Variants in DYM observed in about 807,000 individuals in gnomAD.
DYM encodes dymeclin, also known as dyggve-Melchior-Clausen syndrome protein.
DYM carries 78 observed loss-of-function variants against 93.1 expected under a neutral mutation model. The ratio of observed to expected loss-of-function variants is 0.84; its 90% confidence interval spans 0.70 to 1.01. DYM has a LOEUF of 1.01. Ranked by LOEUF, DYM falls within the 50% of genes least tolerant of loss-of-function variation. The pLI is 0.00. For missense variants in DYM, 789 were observed against 845.0 expected (o/e 0.93, Z 0.82); for synonymous variants, 321 against 319.7 (o/e 1.00, Z -0.04).
At chr18:49,183,761 A>G (rs183425249) in intron 14 of DYM, among the ~76,000 whole-genome samples, 3 of 152,140 alleles carry the variant, frequency 2.0e-5, no homozygotes, top group Admixed American at 1.3e-4. Context: ...GTCTCCCCCA[A>G]ATTTCCTATG....
intron 14 of DYM, among the ~76,000 whole-genome samples, chr18:49,193,061 C>G (rs2091127989): frequency 6.6e-6 from 1 of 152,088 alleles, no homozygotes; most frequent in South Asian, 2.1e-4. Context: ...GTTCTCGTCA[C>G]AAAAAATGTT....
At chr18:49,185,459 AATG>A (rs1362709636) in intron 14 of DYM, among the ~76,000 whole-genome samples, 1 of 152,248 alleles carries the variant, frequency 6.6e-6, no homozygotes, top group East Asian at 1.9e-4. Flanking sequence ...TAGAAGTTGT[AATG>A]TGAGCTTCAT....
intron 14 of DYM, among the ~76,000 whole-genome samples, chr18:49,194,430 T>C (rs2091253805): frequency 1.3e-5 from 2 of 152,194 alleles, no homozygotes; most frequent in Admixed American, 1.3e-4. Context: ...GAAAAAAGGA[T>C]CTACTACCAT....
rs1250715221 is a variant in DYM at position 49,040,321 on chromosome 18, T to C, written c.*3734A>G. 6.6e-6 allele frequency among the ~76,000 whole-genome samples: 1 copy of C among 152,216 alleles called. No homozygotes were observed. Among genetic ancestry groups the C allele is most frequent in the African/African-American group, 2.4e-5 (1 of 41,456 alleles). On this transcript the variant is annotated 3_prime_UTR_variant, in exon 18 of 18. Transcript: ENST00000675505. Reference sequence around the variant, plus strand: ...TGAGTAGCTGACATTTAGACAGCCTTGTGAAGTTAGATTAGGGGTTGAGTA... The same window carrying C: ...TGAGTAGCTGACATTTAGACAGCCTCGTGAAGTTAGATTAGGGGTTGAGTA...
At chr18:49,359,137 T>C (rs951312274) in intron 6 of DYM, among the ~76,000 whole-genome samples, 1 of 152,144 alleles carries the variant, frequency 6.6e-6, no homozygotes, top group Non-Finnish European at 1.5e-5. Flanking sequence ...GAACACTCCA[T>C]ATTAGTGTCT....
At chr18:49,100,364 C>A (rs979520723) in intron 16 of DYM, among the ~76,000 whole-genome samples, 2 of 151,986 alleles carry the variant, frequency 1.3e-5, no homozygotes, top group African/African-American at 4.8e-5. Flanking sequence ...ACACGACAAA[C>A]CAACAAAAGG....
intron 10 of DYM, among the ~76,000 whole-genome samples, chr18:49,273,546 T>A (rs1269655213): frequency 6.6e-6 from 1 of 152,132 alleles, no homozygotes; most frequent in Non-Finnish European, 1.5e-5. Flanking sequence ...GATTACAACA[T>A]CATATTTTTA....
Position 49,361,422 on chromosome 18 carries a change from A to G in DYM, c.494+1739T>C, listed in dbSNP as rs143047844. Among the ~76,000 whole-genome samples the G allele has an allele frequency of 5.0e-4, 76 of 152,338 alleles. 1 individual carries two copies. In the East Asian group the frequency reaches 0.014, roughly 27 times the overall value. On this transcript the variant is annotated intron_variant, in intron 6 of 17. Transcript: ENST00000675505. Reference sequence around the variant, plus strand: ...GCCATAGACAAATAGCACATTTCCAATTATATCTCCATGTAGACTGAGATT... The same window carrying G: ...GCCATAGACAAATAGCACATTTCCAGTTATATCTCCATGTAGACTGAGATT...
intron 11 of DYM, among the ~76,000 whole-genome samples, chr18:49,259,057 G>A (rs1265855511): frequency 6.6e-6 from 1 of 151,794 alleles, no homozygotes; most frequent in Non-Finnish European, 1.5e-5. Flanking sequence ...GGTTACTCCT[G>A]CAACCTTTCT....
In DYM at chr18:49,137,299, C is replaced by T. The variant is rs536521153; in HGVS notation, c.1729-18373G>A. 2.0e-5 allele frequency among the ~76,000 whole-genome samples: 3 copies of T among 152,316 alleles called. No individual in the cohort carries two copies. The South Asian group carries it at 6.2e-4, about 32-fold the overall frequency. On this transcript the variant is annotated intron_variant, in intron 15 of 17. Coordinates refer to ENST00000675505, the MANE Select transcript of DYM (RefSeq NM_001353214.3). ...AGTAGTAACAGAACACTTTCTCAGT[C>T]CTGTCCTGGTGACATGGAAAGAATA...
At chr18:49,423,700 A>G (rs1223447876) in intron 2 of DYM, among the ~76,000 whole-genome samples, 19 of 152,230 alleles carry the variant, frequency 1.2e-4, no homozygotes, top group Non-Finnish European at 1.5e-4. Context: ...CGCAATAAAA[A>G]ATGATAAAGG....
rs1568181254 is a variant in DYM at position 49,289,761 on chromosome 18, A to ATATACG, written c.764-3146_764-3145insCGTATA. Among the ~76,000 whole-genome samples, 239 of 57,390 alleles carry ATATACG rather than the reference A, an allele frequency of 4.2e-3. 2 individuals are homozygous for ATATACG. Among genetic ancestry groups the ATATACG allele is most frequent in the African/African-American group, 0.017 (225 of 13,206 alleles). The allele number at this position is 57,390 out of a possible 152,430, so 37.7% of individuals were successfully genotyped here. On this transcript the variant is annotated intron_variant, in intron 8 of 17. Transcript: ENST00000675505. ...TATATATATATATATATATATATAT[A>ATATACG]TATATATATATACACATATATATAT... is the stretch of plus-strand genomic sequence containing the variant.
In DYM at chr18:49,151,995, T is replaced by C. The variant is rs949149030; in HGVS notation, c.1728+11690A>G. ...AGAATGGAAAGAGGGGGAAAGAAAC[T>C]GTGATCACTGGTTTTTAGAAATCTA... On this transcript the variant is annotated intron_variant, in intron 15 of 17. Coordinates refer to ENST00000675505, the MANE Select transcript of DYM (RefSeq NM_001353214.3). Among the ~76,000 whole-genome samples, 2 of 152,326 alleles carry C rather than the reference T, an allele frequency of 1.3e-5. 1 individual carries two copies. Among genetic ancestry groups the C allele is most frequent in the Admixed American group, 1.3e-4 (2 of 15,300 alleles).
intron 2 of DYM, among the ~76,000 whole-genome samples, chr18:49,412,236 T>TAAAA (rs67065136): frequency 0.014 from 1,923 of 135,020 alleles, 30 homozygotes; most frequent in African/African-American, 0.043. Flanking sequence ...AACATTGACT[T>TAAAA]AAAAAAAAAA....
At chr18:49,117,189 G>A (rs1385431857) in intron 16 of DYM, among the ~76,000 whole-genome samples, 2 of 152,182 alleles carry the variant, frequency 1.3e-5, no homozygotes, top group African/African-American at 4.8e-5. Context: ...AAATGATGTC[G>A]ATATAAGTTT....
intron 16 of DYM, among the ~76,000 whole-genome samples, chr18:49,106,445 A>G (rs542151820): frequency 7.3e-4 from 111 of 152,282 alleles, no homozygotes; most frequent in African/African-American, 2.2e-3. Flanking sequence ...TGATCCTGTC[A>G]TTATGATGTT....
chr18:49,052,792 G>A (rs1185102844), intron 17 of DYM, among the ~76,000 whole-genome samples: 1 of 152,178 alleles, frequency 6.6e-6, no homozygotes, highest in African/African-American at 2.4e-5. Context: ...GTGCTTTGAG[G>A]ACTTAGACTA....
At chr18:49,253,645 C>T (rs995934315) in intron 13 of DYM, among the ~76,000 whole-genome samples, 1 of 152,110 alleles carries the variant, frequency 6.6e-6, no homozygotes, top group African/African-American at 2.4e-5. Flanking sequence ...TGGTCCGCAC[C>T]GGCTACTCAA....
chr18:49,216,896 T>C (rs556842673), intron 13 of DYM, among the ~76,000 whole-genome samples: 102 of 152,328 alleles, frequency 6.7e-4, no homozygotes, highest in African/African-American at 2.0e-3. Flanking sequence ...GGAACAAAGC[T>C]GGACGGAGAA....
Sources: allele counts gnomAD v4.1 joint callset (sites outside exome capture counted in the v4.1 genomes callset), GRCh38; gene constraint gnomAD v4.1.1; transcripts MANE v1.5; gene names NCBI Gene and HGNC (gene_info 2026-07-23, HGNC 2026-07-21).